The following SIDT1 variants were observed in gnomAD, a reference collection of about 807,000 sequenced individuals.
SIDT1 encodes SID1 transmembrane family, member 1.
Under a neutral mutation model 107.5 loss-of-function variants are expected in SIDT1, and 101 were observed. That is an observed-to-expected ratio of 0.94 (90% confidence interval 0.80 to 1.11). The LOEUF (loss-of-function observed/expected upper bound fraction) is 1.11, where lower values mean the gene tolerates loss of function less well. Among genes scored for constraint, SIDT1 ranks in the 50% least tolerant of loss-of-function variants. SIDT1 has a pLI of 0.00. For synonymous variants in SIDT1, 395 were observed against 398.2 expected, an observed-to-expected ratio of 0.99 and a Z score of 0.10; for missense variants, 1,076 against 1,058.2, an observed-to-expected ratio of 1.02 and a Z score of -0.23.
intron 10 of SIDT1, among the ~76,000 whole-genome samples, chr3:113,597,377 G>A (rs1168605814): frequency 2.6e-5 from 4 of 151,652 alleles, no homozygotes; most frequent in Non-Finnish European, 4.4e-5. Context: ...TGTACCTGTA[G>A]TCCCAGCTAC....
At chr3:113,559,964 T>C (rs922396980) in intron 1 of SIDT1, among the ~76,000 whole-genome samples, 1 of 152,174 alleles carries the variant, frequency 6.6e-6, no homozygotes. Context: ...TTGGGTACAG[T>C]GGAGCCAAAG....
intron 10 of SIDT1, among the ~76,000 whole-genome samples, chr3:113,594,158 T>A (rs192252215): frequency 6.6e-6 from 1 of 152,174 alleles, no homozygotes; most frequent in Admixed American, 6.5e-5. Flanking sequence ...TCCAGCAGGA[T>A]CATTGCTCCC....
chr3:113,607,437 G>T (rs137879095), intron 15 of SIDT1, among the ~76,000 whole-genome samples: 23 of 152,296 alleles, frequency 1.5e-4, no homozygotes, highest in African/African-American at 5.3e-4. Context: ...AAACAACCTC[G>T]TGAGATAGAC....
At chr3:113,568,630 A>AG (rs56356792) in intron 3 of SIDT1, among the ~76,000 whole-genome samples, 7 of 150,188 alleles carry the variant, frequency 4.7e-5, no homozygotes, top group African/African-American at 7.4e-5. Flanking sequence ...AGAAAAGAAA[A>AG]AAAACAGAAA....
chr3:113,574,263 G>T (rs893470914), intron 3 of SIDT1, among the ~76,000 whole-genome samples: 1 of 152,166 alleles, frequency 6.6e-6, no homozygotes, highest in African/African-American at 2.4e-5. Flanking sequence ...TTAGACCAGA[G>T]GAATGAAGGG....
At chr3:113,536,308 G>A (rs988350006) in intron 1 of SIDT1, among the ~76,000 whole-genome samples, 2 of 152,120 alleles carry the variant, frequency 1.3e-5, no homozygotes, top group Non-Finnish European at 2.9e-5. Context: ...CCAGACCTAC[G>A]ATCTTTAGAG....
Position 113,551,824 on chromosome 3 carries a change from G to GGTGTGTGT in SIDT1, c.223-14573_223-14566dup, listed in dbSNP as rs56860179. ...TGGATCCCGGGGGTAAAGTTTTAGG[G>GGTGTGTGT]GTGTGTGTGTGTGTGTGTGTGTGTG... On this transcript the variant is annotated intron_variant, in intron 1 of 24. Coordinates refer to ENST00000264852, the MANE Select transcript of SIDT1 (RefSeq NM_017699.3). Among the ~76,000 whole-genome samples the GGTGTGTGT allele has an allele frequency of 7.3e-3, 1,076 of 147,306 alleles. 9 individuals carry two copies. The highest frequency in any genetic ancestry group is 0.025 in the African/African-American group (1,011 of 40,144).
intron 13 of SIDT1, 136 bp from the exon 14 acceptor site, chr3:113,604,774 C>T (rs1945201659): frequency 1.1e-6 from 1 of 898,722 alleles, no homozygotes; most frequent in African/African-American, 1.6e-5. Context: ...GAAACAAGAA[C>T]CACATAATCA....
chr3:113,535,598 G>T (rs1022358722), intron 1 of SIDT1, among the ~76,000 whole-genome samples: 2 of 152,170 alleles, frequency 1.3e-5, no homozygotes, highest in African/African-American at 4.8e-5. Context: ...ACAGTAAAAG[G>T]TTGATGACCC....
chr3:113,598,475 G>A (rs1228381879), intron 10 of SIDT1, among the ~76,000 whole-genome samples: 1 of 152,082 alleles, frequency 6.6e-6, no homozygotes, highest in East Asian at 1.9e-4. Flanking sequence ...CCATATCAGA[G>A]GACTTCCAGT....
At chr3:113,617,690 G>A (rs1946198907) in intron 20 of SIDT1, among the ~76,000 whole-genome samples, 1 of 152,224 alleles carries the variant, frequency 6.6e-6, no homozygotes, top group Non-Finnish European at 1.5e-5. Flanking sequence ...CTGCTTACCT[G>A]TGAAACAGGA....
At chr3:113,616,607 C>T (rs1453315671) in intron 20 of SIDT1, among the ~76,000 whole-genome samples, 1 of 152,016 alleles carries the variant, frequency 6.6e-6, no homozygotes, top group Admixed American at 6.6e-5. Context: ...CACCATGGCA[C>T]ACGTTTACCC....
chr3:113,577,210 G>C (rs1942970048), intron 4 of SIDT1, among the ~76,000 whole-genome samples: 1 of 152,152 alleles, frequency 6.6e-6, no homozygotes, highest in Non-Finnish European at 1.5e-5. Flanking sequence ...GTGTTCATTG[G>C]TTCAATCCTC....
chr3:113,553,396 T>A (rs949639945), intron 1 of SIDT1, among the ~76,000 whole-genome samples: 1 of 152,106 alleles, frequency 6.6e-6, no homozygotes, highest in Non-Finnish European at 1.5e-5. Flanking sequence ...CTTACAATCA[T>A]AACAATAATT....
At chr3:113,608,974 T>C (rs1945541311) in intron 17 of SIDT1, among the ~76,000 whole-genome samples, 2 of 151,860 alleles carry the variant, frequency 1.3e-5, no homozygotes, top group Non-Finnish European at 2.9e-5. Context: ...AAGCCTTCAA[T>C]TAAGAGCAAG....
chr3:113,585,956 A>C (rs779849660), intron 9 of SIDT1, among the ~76,000 whole-genome samples: 11 of 152,202 alleles, frequency 7.2e-5, no homozygotes, highest in African/African-American at 1.4e-4. Flanking sequence ...ACAACTACAA[A>C]AGAATGGCAG....
intron 2 of SIDT1, 24 bp downstream of exon 2, chr3:113,566,565 A>G (rs908398521): frequency 1.2e-6 from 2 of 1,608,808 alleles, no homozygotes; most frequent in East Asian, 2.2e-5. Context: ...CTTCCAGGCA[A>G]CTTCACTATG....
intron 19 of SIDT1, among the ~76,000 whole-genome samples, chr3:113,615,560 CCTTCA>C (rs1188672048): frequency 1.3e-5 from 2 of 152,196 alleles, no homozygotes; most frequent in Non-Finnish European, 2.9e-5. Context: ...TCTTAACTTA[CCTTCA>C]CTTGATGATT....
intron 1 of SIDT1, among the ~76,000 whole-genome samples, chr3:113,557,537 C>T (rs569416801): frequency 9.2e-5 from 14 of 152,108 alleles, no homozygotes; most frequent in African/African-American, 3.4e-4. Context: ...AGAGGGGGCA[C>T]CATGTAACAA....
Sources: allele counts gnomAD v4.1 joint callset (sites outside exome capture counted in the v4.1 genomes callset), GRCh38; gene constraint gnomAD v4.1.1; transcripts MANE v1.5; gene names NCBI Gene and HGNC (gene_info 2026-07-23, HGNC 2026-07-21).